SRGAP1: variants seen among roughly 807,000 people sequenced by gnomAD.
SRGAP1 encodes the protein SLIT-ROBO Rho GTPase-activating protein 1.
SRGAP1 carries 43 observed loss-of-function variants against 121.9 expected under a neutral mutation model. That is an observed-to-expected ratio of 0.35 (90% CI 0.28 to 0.46). SRGAP1 has a LOEUF of 0.46. SRGAP1 is among the 20% of genes least tolerant of loss of function. SRGAP1 has a pLI of 1.00. For missense variants in SRGAP1, 1,102 were observed against 1,350.9 expected (o/e 0.82, Z 2.89); for synonymous variants, 447 against 485.4 (o/e 0.92, Z 1.04).
At chr12:64,012,134 A>G (rs994291234) in intron 3 of SRGAP1, among the ~76,000 whole-genome samples, 1 of 152,150 alleles carries the variant, frequency 6.6e-6, no homozygotes. Flanking sequence ...TATTCAATAT[A>G]CTTAGTTCAT....
intron 1 of SRGAP1, among the ~76,000 whole-genome samples, chr12:63,852,327 C>G (rs1156522995): frequency 6.6e-6 from 1 of 152,152 alleles, no homozygotes; most frequent in Non-Finnish European, 1.5e-5. Flanking sequence ...TTGTTGCATT[C>G]TGATTTAGAT....
chr12:64,133,017 T>G (rs1000395118), intron 21 of SRGAP1, among the ~76,000 whole-genome samples: 1 of 152,242 alleles, frequency 6.6e-6, no homozygotes, highest in Non-Finnish European at 1.5e-5. Context: ...GTACAGCAGC[T>G]GCACTTGGAG....
At chr12:64,073,388 G>GAA (rs1271365604) in intron 8 of SRGAP1, among the ~76,000 whole-genome samples, 1 of 152,198 alleles carries the variant, frequency 6.6e-6, no homozygotes, top group Non-Finnish European at 1.5e-5. Context: ...TGGTTCTAGT[G>GAA]AAACATTCTT....
chr12:63,851,259 A>G (rs998468865), intron 1 of SRGAP1, among the ~76,000 whole-genome samples: 2 of 152,030 alleles, frequency 1.3e-5, no homozygotes, highest in South Asian at 4.1e-4. Flanking sequence ...TCCCCTGTTG[A>G]TATGTTAGAC....
intron 1 of SRGAP1, among the ~76,000 whole-genome samples, chr12:63,869,595 A>G (rs571090028): frequency 2.6e-5 from 4 of 152,164 alleles, no homozygotes; most frequent in South Asian, 2.1e-4. Context: ...CTTAACTCTG[A>G]TTTTTCCTGC....
At chr12:63,913,096 A>G (rs2030582529) in intron 1 of SRGAP1, among the ~76,000 whole-genome samples, 1 of 151,354 alleles carries the variant, frequency 6.6e-6, no homozygotes, top group African/African-American at 2.4e-5. Context: ...GCAATGACAT[A>G]GAAATTCTTG....
At chr12:64,059,710 C>G (rs77521384) in intron 6 of SRGAP1, among the ~76,000 whole-genome samples, 98 of 152,080 alleles carry the variant, frequency 6.4e-4, no homozygotes, top group Non-Finnish European at 8.4e-4. Context: ...TGTATAAAAC[C>G]GCTCCACACA....
chr12:63,844,995 G>A lies in SRGAP1; in HGVS notation c.67+112G>A. ...GTGGGAGGAAGGTGGTGAGGGGACAGCTCGAGCCCTGTCTGAGCCACCTGG... is the reference window on the plus strand; with the variant it reads ...GTGGGAGGAAGGTGGTGAGGGGACAACTCGAGCCCTGTCTGAGCCACCTGG... On this transcript the variant is annotated intron_variant, in intron 1 of 21. Transcript: ENST00000355086. This position sits in a 1 kb window ranked among gnomAD's most constrained non-coding sequence, Gnocchi z 4.3. 9.1e-7 allele frequency: 1 copy of A among 1,094,738 alleles called. No individual in the cohort carries two copies. Among genetic ancestry groups the A allele is most frequent in the Non-Finnish European group, 1.4e-6 (1 of 717,470 alleles). 67.8% of individuals were successfully genotyped at this position (1,094,738 alleles called of 1,614,324 possible). A position where few individuals can be genotyped will look rare whatever the true frequency, so the allele number is the denominator to read the frequency against.
At chr12:63,931,418 A>C (rs1176464709) in intron 1 of SRGAP1, among the ~76,000 whole-genome samples, 1 of 152,216 alleles carries the variant, frequency 6.6e-6, no homozygotes. Context: ...TAATTAACTG[A>C]TGACACTTCT....
chr12:63,904,436 G>A (rs1298612366), intron 1 of SRGAP1, among the ~76,000 whole-genome samples: 1 of 152,190 alleles, frequency 6.6e-6, no homozygotes, highest in Non-Finnish European at 1.5e-5. Flanking sequence ...CAGTGTCTTA[G>A]AGACTATGAG....
intron 3 of SRGAP1, among the ~76,000 whole-genome samples, chr12:64,008,496 G>A (rs1379553826): frequency 4.6e-5 from 7 of 152,086 alleles, no homozygotes; most frequent in South Asian, 4.1e-4. Context: ...TTCTGATTTC[G>A]TTTAAATTTT....
intron 21 of SRGAP1, among the ~76,000 whole-genome samples, chr12:64,140,611 G>A (rs1442486792): frequency 6.6e-6 from 1 of 151,108 alleles, no homozygotes; most frequent in African/African-American, 2.4e-5. Flanking sequence ...TCATTAAAAA[G>A]TCAGGAAACA....
chr12:63,954,571 G>A (rs962009966), intron 1 of SRGAP1, among the ~76,000 whole-genome samples: 3 of 151,498 alleles, frequency 2.0e-5, no homozygotes, highest in African/African-American at 4.8e-5. Flanking sequence ...CCAGCTACTC[G>A]GGAGGCTGAG....
At chr12:64,128,648 C>G (rs1164224912) in intron 21 of SRGAP1, among the ~76,000 whole-genome samples, 1 of 152,104 alleles carries the variant, frequency 6.6e-6, no homozygotes, top group Non-Finnish European at 1.5e-5. Flanking sequence ...GTTTCAAGAC[C>G]CCCAGTGGAT....
intron 1 of SRGAP1, among the ~76,000 whole-genome samples, chr12:63,969,443 C>T (rs1275183694): frequency 6.6e-6 from 1 of 151,984 alleles, no homozygotes; most frequent in Non-Finnish European, 1.5e-5. Context: ...CTCATGCTGG[C>T]CCAAGAGTAA....
chr12:63,952,801 T>A (rs375621326), intron 1 of SRGAP1, among the ~76,000 whole-genome samples: 2 of 152,054 alleles, frequency 1.3e-5, no homozygotes, highest in African/African-American at 4.8e-5. Context: ...GCTAACACTT[T>A]TAATTTTTTT....
chr12:63,979,443 T>C (rs1028900921), intron 1 of SRGAP1, among the ~76,000 whole-genome samples: 2 of 152,168 alleles, frequency 1.3e-5, no homozygotes, highest in African/African-American at 4.8e-5. Flanking sequence ...GTGAATATTT[T>C]CTCCCATCTA....
chr12:64,045,586 C>T (rs566996923), intron 6 of SRGAP1, among the ~76,000 whole-genome samples: 7 of 152,146 alleles, frequency 4.6e-5, no homozygotes, highest in South Asian at 4.2e-4. Context: ...CAGGCGTGCG[C>T]AACCACACCC....
chr12:64,095,878 G>A (rs1446316413), intron 14 of SRGAP1, among the ~76,000 whole-genome samples: 1 of 152,130 alleles, frequency 6.6e-6, no homozygotes, highest in Admixed American at 6.5e-5. Flanking sequence ...ATTTCCTTAT[G>A]TTAGAAACAT....
Sources: gnomAD v4.1 joint callset for allele counts (sites outside exome capture counted in the v4.1 genomes callset) on GRCh38, gnomAD v4.1.1 for gene constraint, Gnocchi (gnomAD v3.1) non-coding constraint, MANE v1.5 for transcripts, NCBI Gene and HGNC (gene_info 2026-07-23, HGNC 2026-07-21) for gene names.